The following TDP1 variants were observed in gnomAD, a reference collection of about 807,000 sequenced individuals.
TDP1 encodes tyr-DNA phosphodiesterase 1.
TDP1 carries 64 observed loss-of-function variants against 81.5 expected under a neutral mutation model. The ratio of observed to expected loss-of-function variants is 0.79; its 90% CI spans 0.64 to 0.97. The LOEUF is 0.97. TDP1 is among the 50% of genes least tolerant of loss of function. The pLI is 0.00. For synonymous variants in TDP1, 256 were observed against 264.3 expected (o/e 0.97, Z 0.30); for missense variants, 723 against 743.8 (o/e 0.97, Z 0.33).
At chr14:90,030,827 G>T (rs1023436240) in intron 15 of TDP1, among the ~76,000 whole-genome samples, 1 of 151,522 alleles carries the variant, frequency 6.6e-6, no homozygotes, top group East Asian at 1.9e-4. Context: ...GTGCAGTGGC[G>T]TGATTTTGGC....
At chr14:90,006,330 C>T (rs920517454) in intron 14 of TDP1, among the ~76,000 whole-genome samples, 1 of 152,156 alleles carries the variant, frequency 6.6e-6, no homozygotes, top group Non-Finnish European at 1.5e-5. Flanking sequence ...ACCCTGGAAA[C>T]ACAGCTGATG....
At chr14:90,031,058 C>A (rs1035409837) in intron 15 of TDP1, among the ~76,000 whole-genome samples, 5 of 151,994 alleles carry the variant, frequency 3.3e-5, no homozygotes, top group Admixed American at 3.3e-4. Context: ...CAGGTGTGAA[C>A]CACCACACTC....
At chr14:89,998,420 A>ATATATATATATATATGTATG (rs1566891293) in intron 14 of TDP1, among the ~76,000 whole-genome samples, 1 of 79,288 alleles carries the variant, frequency 1.3e-5, no homozygotes, top group African/African-American at 6.4e-5. Flanking sequence ...ATATATATAT[A>ATATATATATATATATGTATG]TATGTATGTA....
At position 89,985,211 on chromosome 14, in the gene TDP1, G is replaced by T; in HGVS notation, c.1131+1G>T. ...TTGGGGACATTTTAGACTTAAGAAG[G>T]TAACAGAACTTTTACTATTTTAACA... On this transcript the variant is annotated splice_donor_variant, in intron 10 of 16. Coordinates refer to ENST00000335725, the MANE Select transcript of TDP1 (RefSeq NM_018319.4). LOFTEE classifies it high-confidence loss of function. The T allele has an allele frequency of 1.3e-6, 2 of 1,586,984 alleles. No homozygotes were observed. The highest frequency in any genetic ancestry group is 1.7e-6 in the Non-Finnish European group (2 of 1,159,376).
Position 89,963,423 on chromosome 14 carries a change from G to A in TDP1, c.309G>A (p.Lys103=), listed in dbSNP as rs1892566874. The A allele has an allele frequency of 4.3e-6, 7 of 1,614,164 alleles. No individual in the cohort carries two copies. The highest frequency in any genetic ancestry group is 1.3e-5 in the African/African-American group (1 of 75,068). ...DDELQPEMPQ[K]QAEKVVIKKE... ...AGCTGCAACCAGAAATGCCGCAGAA[G>A]CAGGCTGAGAAAGTGGTGATCAAAA... Residue 103 remains lysine (K), a synonymous_variant, in exon 3 of 17, where the codon AAG becomes AAA. Coordinates refer to ENST00000335725, the MANE Select transcript of TDP1 (RefSeq NM_018319.4).
At chr14:90,020,527 C>T (rs1222159568) in intron 15 of TDP1, among the ~76,000 whole-genome samples, 4 of 42,128 alleles carry the variant, frequency 9.5e-5, no homozygotes, top group African/African-American at 7.8e-4. Flanking sequence ...CTCCCTCCCT[C>T]CCTTCCTTCC....
chr14:89,981,355 C>T (rs1302330450), intron 8 of TDP1: 1 of 399,124 alleles, frequency 2.5e-6, no homozygotes, highest in East Asian at 7.4e-5. Context: ...AGGTTTTGAT[C>T]CCCTTTTCAA....
chr14:90,041,373 G>T (rs1888336666), intron 16 of TDP1, among the ~76,000 whole-genome samples: 1 of 152,190 alleles, frequency 6.6e-6, no homozygotes, highest in Non-Finnish European at 1.5e-5. Flanking sequence ...AGAAGTGTTT[G>T]GTTTCATGCT....
At chr14:89,986,183 C>G (rs1252838400) in intron 10 of TDP1, among the ~76,000 whole-genome samples, 1 of 152,222 alleles carries the variant, frequency 6.6e-6, no homozygotes, top group Admixed American at 6.5e-5. Context: ...CAGGCAAGAT[C>G]TTGAAGACAT....
At chr14:90,008,914 G>C (rs1884367772) in intron 14 of TDP1, among the ~76,000 whole-genome samples, 1 of 152,248 alleles carries the variant, frequency 6.6e-6, no homozygotes, top group African/African-American at 2.4e-5. Context: ...TTGCTTTGTT[G>C]CCCTGGCTGG....
intron 6 of TDP1, among the ~76,000 whole-genome samples, chr14:89,973,478 CCAACTCTAGG>C (rs1254626620): frequency 1.3e-5 from 2 of 152,188 alleles, no homozygotes; most frequent in Non-Finnish European, 2.9e-5. Flanking sequence ...GAAGAAGCTC[CCAACTCTAGG>C]CTGACGTACA....
At chr14:89,957,726 C>T (rs1282238927) in intron 2 of TDP1, among the ~76,000 whole-genome samples, 3 of 152,218 alleles carry the variant, frequency 2.0e-5, no homozygotes, top group Non-Finnish European at 4.4e-5. Flanking sequence ...CCTGAGCTAG[C>T]ATTTGGTGGG....
intron 10 of TDP1, among the ~76,000 whole-genome samples, chr14:89,987,273 T>A (rs1260686891): frequency 6.6e-6 from 1 of 152,238 alleles, no homozygotes; most frequent in Non-Finnish European, 1.5e-5. Flanking sequence ...GTTTTCCTCA[T>A]ACACTAAGCA....
chr14:90,030,101 C>T (rs1284091033), intron 15 of TDP1, among the ~76,000 whole-genome samples: 1 of 152,182 alleles, frequency 6.6e-6, no homozygotes, highest in Admixed American at 6.5e-5. Context: ...TCTGCAAAAG[C>T]AAGAGATAAT....
At chr14:89,957,608 G>C (rs1891816172) in intron 2 of TDP1, among the ~76,000 whole-genome samples, 1 of 152,180 alleles carries the variant, frequency 6.6e-6, no homozygotes, top group Admixed American at 6.5e-5. Context: ...AAATGCCCCA[G>C]CTGGGTCTCA....
At chr14:89,981,472 A>G (rs1307281242) in intron 8 of TDP1, 4 of 454,832 alleles carry the variant, frequency 8.8e-6, no homozygotes, top group South Asian at 6.2e-5. Context: ...GCCATTTTGT[A>G]CATCTCTGCC....
chr14:90,031,875 C>G (rs766979580), intron 15 of TDP1, among the ~76,000 whole-genome samples: 2 of 152,188 alleles, frequency 1.3e-5, no homozygotes, highest in Non-Finnish European at 2.9e-5. Flanking sequence ...CCACTGATCA[C>G]CCGCTCCTGC....
intron 14 of TDP1, among the ~76,000 whole-genome samples, chr14:90,002,058 T>G (rs2140178556): frequency 6.6e-6 from 1 of 152,268 alleles, no homozygotes; most frequent in Admixed American, 6.5e-5. Context: ...TTTTAAAAAC[T>G]TATTTTTTTC....
At chr14:89,997,662 A>C (rs1303577881) in intron 14 of TDP1, among the ~76,000 whole-genome samples, 3 of 152,190 alleles carry the variant, frequency 2.0e-5, no homozygotes, top group Admixed American at 6.5e-5. Flanking sequence ...AGGAACATAC[A>C]AGAAATACAT....
Sources: gnomAD v4.1 joint callset for allele counts (sites outside exome capture counted in the v4.1 genomes callset) on GRCh38, gnomAD v4.1.1 for gene constraint, MANE v1.5 for transcripts, NCBI Gene and HGNC (gene_info 2026-07-23, HGNC 2026-07-21) for gene names.